RNF222: variants seen among roughly 807,000 people sequenced by gnomAD.
The protein encoded by RNF222 is ring finger protein 222.
A neutral mutation model predicts 10.8 loss-of-function variants in RNF222; 14 were observed. That is an observed-to-expected ratio of 1.30 (90% confidence interval 0.86 to 2.03). The LOEUF is 2.03. RNF222 is among the 30% of genes most tolerant of loss of function. RNF222 has a pLI of 0.00. For missense variants in RNF222, 298 were observed against 295.8 expected, an observed-to-expected ratio of 1.01 and a Z score of -0.06; for synonymous variants, 141 against 142.5, an observed-to-expected ratio of 0.99 and a Z score of 0.07.
At chr17:8,395,066 A>C (rs952933154) in intron 1 of RNF222, among the ~76,000 whole-genome samples, 1 of 152,260 alleles carries the variant, frequency 6.6e-6, no homozygotes, top group African/African-American at 2.4e-5. Flanking sequence ...AATGTGTAGG[A>C]AGGACAACTG....
chr17:8,393,239 A>C lies in RNF222; in HGVS notation c.223T>G (p.Ser75Ala). 1 of 1,551,060 alleles carries C rather than the reference A, an allele frequency of 6.4e-7. No homozygotes were observed. The highest frequency in any genetic ancestry group is 8.7e-7 in the Non-Finnish European group (1 of 1,146,968). The stretch of plus-strand genomic sequence containing the variant: ...TTGTCCAGCATGGAGGGCCAGCGGG[A>C]GCTCTTCTTGCTGAGGAATGTGACG... Reference protein sequence around the residue: ...RYVTFLSKKSSRWPSMLDKSS... With the variant: ...RYVTFLSKKSARWPSMLDKSS... The change falls in exon 3 of 3, where the codon TCC (serine) becomes GCC (alanine). Residue 75 changes from serine to alanine, a missense_variant. Transcript: ENST00000399398.
In RNF222 at chr17:8,392,768, G is replaced by A. The variant is rs924261039; in HGVS notation, c.*31C>T. 21 of 1,528,852 alleles carry A rather than the reference G, an allele frequency of 1.4e-5. No individual in the cohort carries two copies. The highest frequency in any genetic ancestry group is 1.7e-5 in the Non-Finnish European group (19 of 1,144,646). The allele number at this position is 1,528,852 out of a possible 1,614,324, so 94.7% of individuals were successfully genotyped here. On this transcript the variant is annotated 3_prime_UTR_variant, in exon 3 of 3. Coordinates refer to ENST00000399398, the MANE Select transcript of RNF222 (RefSeq NM_001146684.3). This position sits in a 1 kb window ranked among gnomAD's most constrained non-coding sequence, Gnocchi z 4.3. ...GGCCTCCTGTCCCACCCCAGGCCAC[G>A]GCTAGCCCGGCGGCCTCCCTGAGGT...
In RNF222 at chr17:8,392,586, G is replaced by T. The variant is rs1253171445; in HGVS notation, c.*213C>A. On this transcript the variant is annotated 3_prime_UTR_variant, in exon 3 of 3. Coordinates refer to ENST00000399398, the MANE Select transcript of RNF222 (RefSeq NM_001146684.3). This position sits in a 1 kb window ranked among gnomAD's most constrained non-coding sequence, Gnocchi z 4.3. ...AACGCATCTGCTGAGGATTCACGTG[G>T]GGAACACGCGCCGCGCGCATGGAGT... The T allele has an allele frequency of 3.2e-5, 19 of 587,182 alleles. No individual in the cohort carries two copies. Among genetic ancestry groups the T allele is most frequent in the Non-Finnish European group, 5.6e-5 (19 of 340,602 alleles). 36.4% of individuals were successfully genotyped at this position (587,182 alleles called of 1,614,324 possible). A position where few individuals can be genotyped will look rare whatever the true frequency, so the allele number is the denominator to read the frequency against.
rs115779324 is a variant in RNF222, at chr17:8,396,450, G to C, written c.-178+1245C>G. On this transcript the variant is annotated intron_variant, in intron 1 of 2. Coordinates refer to ENST00000399398, the MANE Select transcript of RNF222 (RefSeq NM_001146684.3). ...ACTTTTCATCCGAGTTAGAGGAAAA[G>C]TAAAAAGGACCCAGGGAGTGCAGAA... Among the ~76,000 whole-genome samples the C allele has an allele frequency of 8.6e-3, 1,306 of 152,324 alleles. 16 individuals are homozygous for C. Among genetic ancestry groups the C allele is most frequent in the African/African-American group, 0.03 (1,246 of 41,564 alleles).
In RNF222 at chr17:8,393,467, C is replaced by T. The variant is rs780204643; in HGVS notation, c.-6G>A. The stretch of plus-strand genomic sequence containing the variant: ...TTGCTCTCCCCTTCTGACATGGCCA[C>T]TGGGAGATGGCACGCTCAGCTGTGG... On this transcript the variant is annotated 5_prime_UTR_variant, in exon 3 of 3. In the 5' UTR this introduces an upstream ATG that the reference lacks. Transcript: ENST00000399398. 54 of 1,544,718 alleles carry T rather than the reference C, an allele frequency of 3.5e-5. 1 individual carries two copies. In the South Asian group the frequency reaches 6.1e-4, roughly 18 times the overall value.
chr17:8,395,960 G>C (rs1287123061), intron 1 of RNF222, among the ~76,000 whole-genome samples: 1 of 152,194 alleles, frequency 6.6e-6, no homozygotes, highest in African/African-American at 2.4e-5. Context: ...TTGAGCACCT[G>C]CTATGTGCTA....
intron 2 of RNF222, 124 bp from the exon 3 acceptor site, chr17:8,393,610 CTT>C: frequency 7.6e-7 from 1 of 1,314,040 alleles, no homozygotes; most frequent in Non-Finnish European, 1.0e-6. Flanking sequence ...CCTCCTCTCT[CTT>C]CCTCCTACTC....
At position 8,392,232 on chromosome 17, in the gene RNF222, T is replaced by C. The variant is rs568023109; in HGVS notation, c.*567A>G. 1.3e-5 allele frequency: 2 copies of C among 153,060 alleles called. No homozygotes were observed. Among genetic ancestry groups the C allele is most frequent in the South Asian group, 4.1e-4 (2 of 4,904 alleles). 9.5% of individuals were successfully genotyped at this position (153,060 alleles called of 1,614,324 possible). Reference sequence around the variant, plus strand: ...GGCAGCCTCTGAGATCAGCTTCTCCTTCAGGGAAGCCCTTCTAAGCTGGCA... The same window carrying C: ...GGCAGCCTCTGAGATCAGCTTCTCCCTCAGGGAAGCCCTTCTAAGCTGGCA... On this transcript the variant is annotated 3_prime_UTR_variant, in exon 3 of 3. Transcript: ENST00000399398. This position sits in a 1 kb window ranked among gnomAD's most constrained non-coding sequence, Gnocchi z 4.3.
Position 8,391,717 on chromosome 17 carries a change from C to T in RNF222, c.*1082G>A, listed in dbSNP as rs1907834384. On this transcript the variant is annotated 3_prime_UTR_variant, in exon 3 of 3. Coordinates refer to ENST00000399398, the MANE Select transcript of RNF222 (RefSeq NM_001146684.3). ...CAACCTGAGGCTCTTCACAGTCCAA[C>T]GTGGGGGCCCCAGGCAAAGAGACCT... 1 of 152,222 alleles carries T rather than the reference C, an allele frequency of 6.6e-6. No homozygotes were observed. The highest frequency in any genetic ancestry group is 1.5e-5 in the Non-Finnish European group (1 of 68,068). 9.4% of individuals were successfully genotyped at this position (152,222 alleles called of 1,614,324 possible).
At chr17:8,393,644 C>G (rs948018569) in intron 2 of RNF222, among the ~76,000 whole-genome samples, 158 bp from the exon 3 acceptor site, 5 of 152,146 alleles carry the variant, frequency 3.3e-5, no homozygotes, top group Non-Finnish European at 7.3e-5. Flanking sequence ...GCTGCTCCTC[C>G]TCTATGGCCC....
intron 1 of RNF222, among the ~76,000 whole-genome samples, chr17:8,396,271 AAGGTGACGGAG>A (rs1349665043): frequency 6.6e-6 from 1 of 152,196 alleles, no homozygotes; most frequent in African/African-American, 2.4e-5. Context: ...GTGACCGGTG[AAGGTGACGGAG>A]AGGGAGTTAA....
At position 8,397,694 on chromosome 17, in the gene RNF222, C is replaced by T. The variant is rs1014062691; in HGVS notation, c.-178+1G>A. ...GCCCCTAGACTCACTTTAGCTGGGA[C>T]CGGAGAGAGCAGCATCCACCTTCCC... On this transcript the variant is annotated splice_donor_variant, in intron 1 of 2. Coordinates refer to ENST00000399398, the MANE Select transcript of RNF222 (RefSeq NM_001146684.3). LOFTEE classifies it low-confidence loss of function (5UTR_SPLICE). The T allele has an allele frequency of 6.6e-6, 1 of 152,354 alleles. No individual in the cohort carries two copies. The highest frequency in any genetic ancestry group is 1.9e-4 in the East Asian group (1 of 5,188). The allele number at this position is 152,354 out of a possible 1,614,324, so 9.4% of individuals were successfully genotyped here.
At position 8,393,013 on chromosome 17, in the gene RNF222, A is replaced by G; in HGVS notation, c.449T>C (p.Phe150Ser). ...LPSLPRESQI[F>S]VISRHGMPLG... is the part of the protein sequence containing the mutation. ...GGGCATCCCGTGGCGGCTGATGACA[A>G]AGATCTGTGACTCCCGGGGCAGGCT... Residue 150 changes from phenylalanine to serine, a missense_variant, in exon 3 of 3, where the codon TTT (phenylalanine) becomes TCT (serine). Transcript: ENST00000399398. 1 of 1,503,744 alleles carries G rather than the reference A, an allele frequency of 6.7e-7. No individual in the cohort carries two copies. Among genetic ancestry groups the G allele is most frequent in the Non-Finnish European group, 8.8e-7 (1 of 1,131,708 alleles). 93.2% of individuals were successfully genotyped at this position (1,503,744 alleles called of 1,614,324 possible).
intron 1 of RNF222, among the ~76,000 whole-genome samples, chr17:8,396,624 C>T (rs1050728970): frequency 2.0e-5 from 3 of 151,834 alleles, no homozygotes; most frequent in Non-Finnish European, 4.4e-5. Context: ...CAGTCCTTCC[C>T]GCTTCCAACG....
At chr17:8,397,118 T>C (rs1908063051) in intron 1 of RNF222, among the ~76,000 whole-genome samples, 1 of 152,194 alleles carries the variant, frequency 6.6e-6, no homozygotes. Flanking sequence ...ACAACAAGGC[T>C]GGGGCGTAGG....
intron 1 of RNF222, among the ~76,000 whole-genome samples, chr17:8,395,248 C>A (rs577491120): frequency 1.3e-5 from 2 of 152,328 alleles, no homozygotes; most frequent in South Asian, 4.1e-4. Flanking sequence ...TAGCTTTGGT[C>A]TTTGAGATGG....
At chr17:8,396,065 A>T (rs976637023) in intron 1 of RNF222, among the ~76,000 whole-genome samples, 1 of 152,204 alleles carries the variant, frequency 6.6e-6, no homozygotes, top group African/African-American at 2.4e-5. Flanking sequence ...CTTGAAAAAG[A>T]TATTTTTTTG....
In RNF222 at chr17:8,392,344, T is replaced by G; in HGVS notation, c.*455A>C. The G allele has an allele frequency of 5.9e-6, 1 of 169,906 alleles. No homozygotes were observed. The highest frequency in any genetic ancestry group is 1.3e-5 in the Non-Finnish European group (1 of 78,520). 10.5% of individuals were successfully genotyped at this position (169,906 alleles called of 1,614,324 possible). On this transcript the variant is annotated 3_prime_UTR_variant, in exon 3 of 3. Coordinates refer to ENST00000399398, the MANE Select transcript of RNF222 (RefSeq NM_001146684.3). The surrounding 1 kb of genome is among the most constrained non-coding windows in gnomAD (Gnocchi z 4.3). The stretch of plus-strand genomic sequence containing the variant: ...AGATTCTGGGCGCCCCTTCTGTCTG[T>G]TCCCGAGGGCAAGCCGCAAATCCTG...
intron 1 of RNF222, among the ~76,000 whole-genome samples, chr17:8,394,859 C>T (rs1054012557): frequency 3.3e-5 from 5 of 152,148 alleles, no homozygotes; most frequent in African/African-American, 7.2e-5. Flanking sequence ...TCCAAGTGTC[C>T]GCACTGAAAA....
Sources: gnomAD v4.1 joint callset for allele counts (sites outside exome capture counted in the v4.1 genomes callset) on GRCh38, gnomAD v4.1.1 for gene constraint, Gnocchi (gnomAD v3.1) non-coding constraint, MANE v1.5 for transcripts, NCBI Gene and HGNC (gene_info 2026-07-23, HGNC 2026-07-21) for gene names.